The following PCDHA6 variants were observed in gnomAD, a reference collection of about 807,000 sequenced individuals.
PCDHA6 encodes the protein protocadherin alpha 6, also known as protocadherin alpha-6.
In PCDHA6, 55 loss-of-function variants were observed where a neutral mutation model predicts 60.3. The observed-to-expected ratio is 0.91, with a 90% CI of 0.73 to 1.14. PCDHA6 has a LOEUF of 1.14. Among genes scored for constraint, PCDHA6 ranks in the 50% most tolerant of loss-of-function variants. The pLI is 0.00. For synonymous variants in PCDHA6, 652 were observed against 557.9 expected (o/e 1.17, Z -2.38); for missense variants, 1,327 against 1,256.5 (o/e 1.06, Z -0.85).
chr5:140,967,887 T>G, intron 1 of PCDHA6: 1 of 1,614,078 alleles, frequency 6.2e-7, no homozygotes, highest in Non-Finnish European at 8.5e-7. Flanking sequence ...TATAGCCCAG[T>G]GCCTGAGAAT....
intron 1 of PCDHA6, chr5:140,876,989 G>A (rs781957201): frequency 6.2e-7 from 1 of 1,612,664 alleles, no homozygotes. Context: ...GCACTGTCGA[G>A]CTACGTGTCG....
intron 1 of PCDHA6, chr5:140,854,192 T>C: frequency 3.9e-6 from 2 of 506,570 alleles, no homozygotes; most frequent in Non-Finnish European, 5.1e-6. Flanking sequence ...GTTTAACTAC[T>C]CCCTACTTTT....
At chr5:140,835,561 T>C (rs1304711365) in intron 1 of PCDHA6, 2 of 1,613,924 alleles carry the variant, frequency 1.2e-6, no homozygotes, top group Non-Finnish European at 1.7e-6. Flanking sequence ...ACGCCCCGCG[T>C]TCCCTTCAAG....
intron 1 of PCDHA6, among the ~76,000 whole-genome samples, chr5:140,950,482 T>C (rs1384931498): frequency 6.6e-6 from 1 of 152,106 alleles, no homozygotes; most frequent in African/African-American, 2.4e-5. Flanking sequence ...TGATGAGAAG[T>C]GTGTAGTCAT....
intron 1 of PCDHA6, chr5:140,875,864 C>A (rs781972677): frequency 3.7e-6 from 6 of 1,614,168 alleles, no homozygotes; most frequent in Admixed American, 3.3e-5. Context: ...GACAACCCGC[C>A]GGTGTTCAGA....
rs2150347171 is a variant in PCDHA6, at chr5:140,842,877, C to T, written c.2394+12392C>T. On this transcript the variant is annotated intron_variant, in intron 1 of 3. Coordinates refer to ENST00000529310, the MANE Select transcript of PCDHA6 (RefSeq NM_018909.4). Reference sequence around the variant, plus strand: ...CACACGGAGAGCGGCAAGGTGTACGCGCTGCAGCCGCTGGACCACGAGGAG... The same window carrying T: ...CACACGGAGAGCGGCAAGGTGTACGTGCTGCAGCCGCTGGACCACGAGGAG... 18 of 1,593,980 alleles carry T rather than the reference C, an allele frequency of 1.1e-5. 2 individuals carry two copies. Among genetic ancestry groups the T allele is most frequent in the Non-Finnish European group, 1.5e-5 (18 of 1,165,432 alleles).
chr5:140,976,770 C>T (rs2096730456), intron 1 of PCDHA6, among the ~76,000 whole-genome samples: 1 of 152,162 alleles, frequency 6.6e-6, no homozygotes, highest in Non-Finnish European at 1.5e-5. Flanking sequence ...GCCTGCTAGA[C>T]TCTGACTATA....
At chr5:140,884,381 T>C in intron 1 of PCDHA6, 2 of 1,613,986 alleles carry the variant, frequency 1.2e-6, no homozygotes, top group Non-Finnish European at 1.7e-6. Flanking sequence ...CATTGCCATC[T>C]GCGCGGTGTC....
intron 1 of PCDHA6, among the ~76,000 whole-genome samples, chr5:140,892,875 G>A (rs1041608064): frequency 1.3e-5 from 2 of 152,022 alleles, no homozygotes; most frequent in Non-Finnish European, 2.9e-5. Flanking sequence ...CTATAATTTC[G>A]TATCCATTAA....
chr5:140,869,247 C>A (rs1186478553), intron 1 of PCDHA6: 2 of 1,613,526 alleles, frequency 1.2e-6, no homozygotes, highest in Admixed American at 3.3e-5. Context: ...TGGGCCGCAT[C>A]GCGCAGGACC....
chr5:140,925,108 G>GGAAGGAAGGAAGGAA (rs1554202548), intron 1 of PCDHA6, among the ~76,000 whole-genome samples: 36 of 124,780 alleles, frequency 2.9e-4, no homozygotes, highest in African/African-American at 1.2e-3. Context: ...GAAGGAAGGA[G>GGAAGGAAGGAAGGAA]GGAAGGAAGG....
intron 1 of PCDHA6, chr5:140,875,943 T>C (rs371245562): frequency 1.9e-6 from 3 of 1,614,072 alleles, no homozygotes; most frequent in African/African-American, 2.7e-5. Flanking sequence ...TAGAGGGCGC[T>C]TCTGATGCGG....
At chr5:140,925,671 A>AATAATAATG (rs1445697337) in intron 1 of PCDHA6, among the ~76,000 whole-genome samples, 20 of 148,150 alleles carry the variant, frequency 1.3e-4, no homozygotes, top group African/African-American at 5.0e-4. Context: ...TAATAATAAT[A>AATAATAATG]ATAATAAAGC....
chr5:140,881,279 G>A, intron 1 of PCDHA6: 2 of 760,202 alleles, frequency 2.6e-6, no homozygotes, highest in South Asian at 6.0e-5. Flanking sequence ...GAAGTAAGAT[G>A]GAGAGAGAAA....
chr5:140,835,421 T>C (rs2150235406), intron 1 of PCDHA6: 2 of 1,613,844 alleles, frequency 1.2e-6, no homozygotes, highest in African/African-American at 1.3e-5. Context: ...TAAATGACAA[T>C]GCTCCACAGT....
At chr5:140,865,810 T>A (rs1350387651) in intron 1 of PCDHA6, 1 of 152,186 alleles carries the variant, frequency 6.6e-6, no homozygotes, top group Non-Finnish European at 1.5e-5. Flanking sequence ...CATTCTTTTA[T>A]CCACTATAAT....
intron 1 of PCDHA6, chr5:140,869,756 GA>G: frequency 6.2e-7 from 1 of 1,613,194 alleles, no homozygotes; most frequent in South Asian, 1.1e-5. Context: ...ACAGACGGGG[GA>G]AAACCAGAGC....
chr5:140,877,509 G>T (rs781824762), intron 1 of PCDHA6: 21 of 1,613,700 alleles, frequency 1.3e-5, no homozygotes, highest in Non-Finnish European at 1.7e-5. Flanking sequence ...CAAAGACGTC[G>T]TCGCGGGCCT....
chr5:140,921,364 T>G (rs2080173595), intron 1 of PCDHA6, among the ~76,000 whole-genome samples: 1 of 152,196 alleles, frequency 6.6e-6, no homozygotes, highest in Non-Finnish European at 1.5e-5. Flanking sequence ...TATTCAAGTT[T>G]CATATTTCTA....
Sources: allele counts gnomAD v4.1 joint callset (sites outside exome capture counted in the v4.1 genomes callset), GRCh38; gene constraint gnomAD v4.1.1; transcripts MANE v1.5; gene names NCBI Gene and HGNC (gene_info 2026-07-23, HGNC 2026-07-21).